Variants in ME1 observed in about 807,000 individuals in gnomAD.
The protein encoded by ME1 is NADP-dependent malic enzyme.
ME1 carries 74 observed loss-of-function variants against 66.4 expected under a neutral mutation model. The ratio of observed to expected loss-of-function variants is 1.11; its 90% CI spans 0.92 to 1.35. ME1 has a LOEUF of 1.35. Among genes scored for constraint, ME1 ranks in the 40% most tolerant of loss-of-function variants. The pLI is 0.00. For synonymous variants in ME1, 251 were observed against 235.6 expected (o/e 1.07, Z -0.60); for missense variants, 750 against 694.1 (o/e 1.08, Z -0.90).
intron 3 of ME1, among the ~76,000 whole-genome samples, chr6:83,395,528 T>G (rs1047470709): frequency 1.4e-4 from 21 of 151,124 alleles, no homozygotes; most frequent in African/African-American, 4.9e-4. Context: ...CAGGCTAGAG[T>G]GCAGTGGCGT....
At chr6:83,219,643 C>T (rs577797778) in intron 12 of ME1, among the ~76,000 whole-genome samples, 3 of 152,000 alleles carry the variant, frequency 2.0e-5, no homozygotes, top group East Asian at 1.9e-4. Context: ...AGATTGCCTA[C>T]GCTGGAGTGT....
At chr6:83,326,539 G>GA (rs57994721) in intron 5 of ME1, among the ~76,000 whole-genome samples, 152,098 of 152,130 alleles carry the variant, frequency 1, 76,033 homozygotes, top group Middle Eastern at 1. Context: ...AAATTTACAA[G>GA]AAAAAACCAA....
chr6:83,393,540 C>T (rs1583414886), intron 3 of ME1: 2 of 278,318 alleles, frequency 7.2e-6, no homozygotes, highest in East Asian at 7.4e-5. Flanking sequence ...CATGCAGACC[C>T]CCTAAAAGGG....
At chr6:83,343,947 T>C (rs1768637212) in intron 5 of ME1, among the ~76,000 whole-genome samples, 2 of 152,114 alleles carry the variant, frequency 1.3e-5, no homozygotes, top group African/African-American at 4.8e-5. Context: ...GTTTCACTAG[T>C]GCACAGCTTT....
At chr6:83,320,776 C>T (rs1768154686) in intron 5 of ME1, among the ~76,000 whole-genome samples, 1 of 152,146 alleles carries the variant, frequency 6.6e-6, no homozygotes. Context: ...AGAAGTCTGA[C>T]TACAATGTAG....
chr6:83,318,119 A>G, intron 5 of ME1, among the ~76,000 whole-genome samples: 1 of 151,372 alleles, frequency 6.6e-6, no homozygotes, highest in East Asian at 1.9e-4. Context: ...CTGAAACTGG[A>G]TCCCTTCCTT....
intron 1 of ME1, among the ~76,000 whole-genome samples, chr6:83,411,582 G>A (rs1228837962): frequency 6.6e-6 from 1 of 152,072 alleles, no homozygotes; most frequent in African/African-American, 2.4e-5. Context: ...TTATAAACAG[G>A]TCAGTTATGT....
intron 5 of ME1, among the ~76,000 whole-genome samples, chr6:83,319,334 A>C: frequency 6.6e-6 from 1 of 151,626 alleles, no homozygotes; most frequent in South Asian, 2.1e-4. Flanking sequence ...ATAAAAATAA[A>C]AAATAAAAAG....
chr6:83,290,091 T>C (rs1459610904), intron 6 of ME1, among the ~76,000 whole-genome samples: 1 of 152,164 alleles, frequency 6.6e-6, no homozygotes, highest in Non-Finnish European at 1.5e-5. Flanking sequence ...CCTGCATTCA[T>C]TAATTTTTGA....
chr6:83,370,787 G>C (rs1769180388), intron 3 of ME1, among the ~76,000 whole-genome samples: 1 of 152,098 alleles, frequency 6.6e-6, no homozygotes, highest in Admixed American at 6.5e-5. Context: ...TTAATGTCTA[G>C]GGAATGACAG....
chr6:83,345,921 T>C (rs1034224154), intron 5 of ME1, among the ~76,000 whole-genome samples: 1 of 152,128 alleles, frequency 6.6e-6, no homozygotes, highest in African/African-American at 2.4e-5. Context: ...TTCTATAGAA[T>C]AATGGTGTAA....
At chr6:83,226,137 T>C (rs1216778655) in intron 11 of ME1, among the ~76,000 whole-genome samples, 2 of 152,060 alleles carry the variant, frequency 1.3e-5, no homozygotes, top group Non-Finnish European at 2.9e-5. Context: ...GCCAAACCAG[T>C]GTCTAAATTT....
At chr6:83,315,936 A>G (rs1768023192) in intron 5 of ME1, among the ~76,000 whole-genome samples, 1 of 152,150 alleles carries the variant, frequency 6.6e-6, no homozygotes, top group African/African-American at 2.4e-5. Flanking sequence ...AAGAAAAATA[A>G]TTCCTAAACG....
chr6:83,242,019 T>C (rs903838189), intron 7 of ME1, among the ~76,000 whole-genome samples: 5 of 152,054 alleles, frequency 3.3e-5, no homozygotes, highest in Admixed American at 6.6e-5. Flanking sequence ...CCCACCACCA[T>C]GCCTGGCTAA....
intron 1 of ME1, among the ~76,000 whole-genome samples, chr6:83,421,211 C>A (rs2128553483): frequency 6.6e-6 from 1 of 152,254 alleles, no homozygotes; most frequent in African/African-American, 2.4e-5. Context: ...CTTACATGAA[C>A]CATTTCCACA....
At chr6:83,315,259 CTGTT>C (rs780162499) in intron 6 of ME1, 47 bp downstream of exon 6, 3 of 1,100,674 alleles carry the variant, frequency 2.7e-6, no homozygotes, top group South Asian at 1.3e-5. Context: ...TTTTAATAGT[CTGTT>C]ATGTTATTGT....
chr6:83,415,941 G>C (rs1184535469), intron 1 of ME1, among the ~76,000 whole-genome samples: 7 of 152,166 alleles, frequency 4.6e-5, no homozygotes, highest in South Asian at 2.1e-4. Context: ...TACATTTTTG[G>C]TATTTAATAG....
chr6:83,304,602 G>A (rs1767792740), intron 6 of ME1, among the ~76,000 whole-genome samples: 2 of 152,178 alleles, frequency 1.3e-5, no homozygotes, highest in African/African-American at 4.8e-5. Context: ...TATGAAAAAA[G>A]TGGGTCACCA....
chr6:83,339,904 G>A (rs1350911010), intron 5 of ME1, among the ~76,000 whole-genome samples: 2 of 136,410 alleles, frequency 1.5e-5, no homozygotes, highest in Non-Finnish European at 3.1e-5. Context: ...GCACCAGCAT[G>A]GCACATGTAT....
Sources: gnomAD v4.1 joint callset for allele counts (sites outside exome capture counted in the v4.1 genomes callset) on GRCh38, gnomAD v4.1.1 for gene constraint, MANE v1.5 for transcripts, NCBI Gene and HGNC (gene_info 2026-07-23, HGNC 2026-07-21) for gene names.